The following CPS1 variants were observed in gnomAD, a reference collection of about 807,000 sequenced individuals.
CPS1 encodes the protein carbamoyl-phosphate synthase [ammonia], mitochondrial.
In CPS1, 109 loss-of-function variants were observed where a neutral mutation model predicts 174.6. The ratio of observed to expected loss-of-function variants is 0.62; its 90% CI spans 0.53 to 0.73. The LOEUF is 0.73. Ranked by LOEUF, CPS1 falls within the 30% of genes least tolerant of loss-of-function variation. The pLI is 0.00. For missense variants in CPS1, 1,689 were observed against 1,821.9 expected (o/e 0.93, Z 1.33); for synonymous variants, 637 against 632.0 (o/e 1.01, Z -0.12).
At chr2:210,623,759 C>T (rs2105877599) in intron 21 of CPS1, among the ~76,000 whole-genome samples, 1 of 152,254 alleles carries the variant, frequency 6.6e-6, no homozygotes, top group Non-Finnish European at 1.5e-5. Flanking sequence ...TTAGCTGGAA[C>T]ACTCCCTTTG....
intron 4 of CPS1, among the ~76,000 whole-genome samples, chr2:210,578,542 G>A (rs1697789636): frequency 6.6e-6 from 1 of 152,086 alleles, no homozygotes; most frequent in African/African-American, 2.4e-5. Context: ...TTCAACTGCT[G>A]GGCCTGTAAT....
At chr2:210,540,149 G>A (rs893420591) in intron 1 of CPS1, among the ~76,000 whole-genome samples, 5 of 152,110 alleles carry the variant, frequency 3.3e-5, no homozygotes, top group African/African-American at 1.2e-4. Context: ...AGAATTTAAC[G>A]AACTCCCCTC....
intron 1 of CPS1, among the ~76,000 whole-genome samples, chr2:210,491,087 T>G (rs1434821500): frequency 6.6e-6 from 1 of 152,158 alleles, no homozygotes; most frequent in African/African-American, 2.4e-5. Flanking sequence ...AATTAGTAGG[T>G]TTGTAAACAA....
intron 1 of CPS1, among the ~76,000 whole-genome samples, chr2:210,506,418 A>G (rs2105968880): frequency 6.6e-6 from 1 of 152,254 alleles, no homozygotes; most frequent in South Asian, 2.1e-4. Flanking sequence ...GGTAGATAAA[A>G]CCACAAAGAT....
At chr2:210,591,201 T>G in intron 9 of CPS1, among the ~76,000 whole-genome samples, 1 of 152,022 alleles carries the variant, frequency 6.6e-6, no homozygotes, top group Non-Finnish European at 1.5e-5. Flanking sequence ...AAAGTTATTT[T>G]CCTTCCCTTG....
chr2:210,575,470 A>T (rs2058304872), intron 2 of CPS1, among the ~76,000 whole-genome samples: 1 of 151,672 alleles, frequency 6.6e-6, no homozygotes, highest in Admixed American at 6.6e-5. Context: ...CTTCTTAAGA[A>T]TAAGAAATAT....
At chr2:210,518,345 A>G (rs1312847141) in intron 1 of CPS1, among the ~76,000 whole-genome samples, 1 of 151,940 alleles carries the variant, frequency 6.6e-6, no homozygotes, top group Non-Finnish European at 1.5e-5. Flanking sequence ...CCTTTTCCTT[A>G]GTAAAAGAAG....
At chr2:210,596,587 C>T (rs899065371) in intron 13 of CPS1, among the ~76,000 whole-genome samples, 7 of 151,924 alleles carry the variant, frequency 4.6e-5, no homozygotes, top group African/African-American at 1.7e-4. Context: ...ATACTCTCCT[C>T]CATTCATGTG....
intron 1 of CPS1, among the ~76,000 whole-genome samples, chr2:210,533,430 C>T (rs527712690): frequency 6.6e-6 from 1 of 152,226 alleles, no homozygotes; most frequent in Middle Eastern, 3.4e-3. Context: ...CAGATAATAT[C>T]ATTATTCTAA....
At chr2:210,558,483 C>A (rs1196411939) in intron 1 of CPS1, among the ~76,000 whole-genome samples, 1 of 151,978 alleles carries the variant, frequency 6.6e-6, no homozygotes, top group Non-Finnish European at 1.5e-5. Context: ...AGTAATACCT[C>A]AAGGTACTCA....
chr2:210,598,233 A>G (rs1271467118), intron 13 of CPS1, among the ~76,000 whole-genome samples: 4 of 151,888 alleles, frequency 2.6e-5, no homozygotes, highest in Non-Finnish European at 5.9e-5. Context: ...AAGTATAGAA[A>G]GACCACTACC....
intron 28 of CPS1, among the ~76,000 whole-genome samples, chr2:210,652,611 T>C (rs1206479133): frequency 1.3e-5 from 2 of 152,272 alleles, no homozygotes; most frequent in East Asian, 1.9e-4. Flanking sequence ...TAGGGAACAC[T>C]GAGGAAGGAG....
At chr2:210,620,922 G>A (rs1300986905) in intron 21 of CPS1, among the ~76,000 whole-genome samples, 1 of 152,048 alleles carries the variant, frequency 6.6e-6, no homozygotes, top group East Asian at 1.9e-4. Context: ...AGCTTTGAGT[G>A]CTTGCCCCCT....
chr2:210,584,503 T>C (rs113907857), intron 6 of CPS1, among the ~76,000 whole-genome samples: 192 of 152,294 alleles, frequency 1.3e-3, no homozygotes, highest in Middle Eastern at 6.8e-3. Flanking sequence ...ATTTTATTTC[T>C]AGATATAACA....
intron 37 of CPS1, 109 bp downstream of exon 37, chr2:210,677,245 C>A: frequency 8.8e-7 from 1 of 1,139,716 alleles, no homozygotes; most frequent in Non-Finnish European, 1.3e-6. Flanking sequence ...TTGTAACTTT[C>A]AGAATAGAGA....
chr2:210,548,336 C>A (rs942993970), intron 1 of CPS1, among the ~76,000 whole-genome samples: 3 of 152,032 alleles, frequency 2.0e-5, no homozygotes, highest in Admixed American at 1.3e-4. Context: ...TTAACTTCCT[C>A]ATACCGAGTT....
chr2:210,677,766 A>G, intron 37 of CPS1, 121 bp from the exon 38 acceptor site: 1 of 828,398 alleles, frequency 1.2e-6, no homozygotes, highest in South Asian at 1.3e-5. Flanking sequence ...AAAAACTTTT[A>G]TGCCTTTTAT....
chr2:210,489,370 A>G (rs2105949055), intron 1 of CPS1, among the ~76,000 whole-genome samples: 1 of 152,248 alleles, frequency 6.6e-6, no homozygotes, highest in South Asian at 2.1e-4. Context: ...GACAGAGCAA[A>G]TCTTCTGTTG....
intron 13 of CPS1, among the ~76,000 whole-genome samples, chr2:210,596,673 C>T (rs1230026520): frequency 6.6e-6 from 1 of 151,844 alleles, no homozygotes; most frequent in Non-Finnish European, 1.5e-5. Context: ...TTTAATTTCT[C>T]ATTAGATAAT....
Sources: allele counts gnomAD v4.1 joint callset (sites outside exome capture counted in the v4.1 genomes callset), GRCh38; gene constraint gnomAD v4.1.1; transcripts MANE v1.5; gene names NCBI Gene and HGNC (gene_info 2026-07-23, HGNC 2026-07-21).